The following FNDC3B variants were observed in gnomAD, a reference collection of about 807,000 sequenced individuals.
The protein encoded by FNDC3B is fibronectin type III domain-containing protein 3B.
A neutral mutation model predicts 151.5 loss-of-function variants in FNDC3B; 12 were observed. The ratio of observed to expected loss-of-function variants is 0.08; its 90% CI spans 0.05 to 0.13. The LOEUF (loss-of-function observed/expected upper bound fraction) is 0.13, where lower values mean the gene tolerates loss of function less well. Among genes scored for constraint, FNDC3B ranks in the 10% least tolerant of loss-of-function variants. The pLI, the probability that FNDC3B is intolerant of heterozygous loss-of-function variation, is 1.00. For missense variants in FNDC3B, 1,214 were observed against 1,505.3 expected (o/e 0.81, Z 3.20); for synonymous variants, 528 against 549.0 (o/e 0.96, Z 0.54).
intron 2 of FNDC3B, among the ~76,000 whole-genome samples, chr3:172,125,587 A>G (rs1191428547): frequency 6.6e-6 from 1 of 152,224 alleles, no homozygotes; most frequent in Non-Finnish European, 1.5e-5. Context: ...TTTCCATTAA[A>G]AAATTGCATC....
At chr3:172,369,441 T>G (rs540616087) in intron 23 of FNDC3B, among the ~76,000 whole-genome samples, 1 of 152,086 alleles carries the variant, frequency 6.6e-6, no homozygotes, top group African/African-American at 2.4e-5. Context: ...TTTTAATACA[T>G]TAATGTCTAA....
intron 3 of FNDC3B, among the ~76,000 whole-genome samples, chr3:172,210,403 G>A (rs1475846404): frequency 6.6e-6 from 1 of 152,000 alleles, no homozygotes; most frequent in Non-Finnish European, 1.5e-5. Context: ...AGGTTGGGGT[G>A]CAGTGGCAAA....
intron 3 of FNDC3B, among the ~76,000 whole-genome samples, chr3:172,192,763 T>C (rs982476084): frequency 6.6e-6 from 1 of 152,104 alleles, no homozygotes; most frequent in African/African-American, 2.4e-5. Flanking sequence ...CCTCATCTTA[T>C]TGAAGATTCT....
At chr3:172,062,034 G>A (rs551007591) in intron 1 of FNDC3B, among the ~76,000 whole-genome samples, 1 of 152,248 alleles carries the variant, frequency 6.6e-6, no homozygotes, top group Admixed American at 6.5e-5. Context: ...GTTACGTGAG[G>A]TAATCATGCT....
intron 6 of FNDC3B, among the ~76,000 whole-genome samples, chr3:172,284,768 C>T (rs1303842876): frequency 6.7e-6 from 1 of 149,592 alleles, no homozygotes; most frequent in Non-Finnish European, 1.5e-5. Flanking sequence ...GCACCCATCA[C>T]AAGGCACTGT....
Position 172,380,052 on chromosome 3 carries a change from G to A in FNDC3B, c.3176-914G>A, listed in dbSNP as rs1735357700. 2.0e-5 allele frequency among the ~76,000 whole-genome samples: 3 copies of A among 147,168 alleles called. No homozygotes were observed. The South Asian group carries it at 6.5e-4, about 32-fold the overall frequency. On this transcript the variant is annotated intron_variant, in intron 24 of 25. Transcript: ENST00000415807. ...TTGGAATTTTGGCCTAGTATTTCCA[G>A]CGTAGGCTCCTTTTCTTCTTCTTCT... is the stretch of plus-strand genomic sequence containing the variant.
chr3:172,129,405 A>G (rs1026681259), intron 2 of FNDC3B, among the ~76,000 whole-genome samples: 3 of 152,230 alleles, frequency 2.0e-5, no homozygotes, highest in African/African-American at 7.2e-5. Flanking sequence ...CTGGTTAATC[A>G]GCCACCCAAG....
At chr3:172,379,923 G>T (rs1735353422) in intron 24 of FNDC3B, among the ~76,000 whole-genome samples, 1 of 152,146 alleles carries the variant, frequency 6.6e-6, no homozygotes. Context: ...TCTGATGCAT[G>T]ATCAGGTAGT....
intron 3 of FNDC3B, among the ~76,000 whole-genome samples, chr3:172,141,571 C>A (rs1431571641): frequency 6.6e-6 from 1 of 152,214 alleles, no homozygotes; most frequent in South Asian, 2.1e-4. Context: ...CATAGTGGCT[C>A]ACGCCTGTAA....
At chr3:172,330,365 G>A (rs1265986089) in intron 12 of FNDC3B, 176 bp from the exon 13 acceptor site, 5 of 523,200 alleles carry the variant, frequency 9.6e-6, no homozygotes, top group Non-Finnish European at 1.4e-5. Flanking sequence ...ATGGGGTGGG[G>A]GGATGGGGAA....
intron 14 of FNDC3B, among the ~76,000 whole-genome samples, chr3:172,333,385 G>T (rs1732778458): frequency 6.6e-6 from 1 of 151,900 alleles, no homozygotes; most frequent in Admixed American, 6.5e-5. Context: ...GCAGTGGCAC[G>T]ATCTCGGCTC....
chr3:172,095,340 C>T (rs1429143492), intron 1 of FNDC3B, among the ~76,000 whole-genome samples: 1 of 152,210 alleles, frequency 6.6e-6, no homozygotes, highest in Non-Finnish European at 1.5e-5. Flanking sequence ...ACTTGGGATT[C>T]TGTGGTATAT....
chr3:172,082,221 G>A (rs553608136), intron 1 of FNDC3B, among the ~76,000 whole-genome samples: 3 of 152,168 alleles, frequency 2.0e-5, no homozygotes, highest in African/African-American at 7.2e-5. Flanking sequence ...TAATGTGGAG[G>A]TCTGACCAAT....
At chr3:172,306,043 A>T (rs994745685) in intron 9 of FNDC3B, among the ~76,000 whole-genome samples, 1 of 152,120 alleles carries the variant, frequency 6.6e-6, no homozygotes, top group African/African-American at 2.4e-5. Flanking sequence ...ATATGTATGT[A>T]TTTTTATCTT....
chr3:172,375,992 T>C (rs983186961), intron 23 of FNDC3B, among the ~76,000 whole-genome samples: 1 of 152,214 alleles, frequency 6.6e-6, no homozygotes, highest in Non-Finnish European at 1.5e-5. Context: ...ACTCCCACTT[T>C]TTTTCTAGAC....
At chr3:172,274,813 G>A (rs1174018929) in intron 6 of FNDC3B, among the ~76,000 whole-genome samples, 3 of 152,074 alleles carry the variant, frequency 2.0e-5, no homozygotes, top group African/African-American at 7.2e-5. Context: ...CATCTTCCCT[G>A]TGTGTGTCTG....
chr3:172,328,077 G>A (rs1397727698), intron 11 of FNDC3B, among the ~76,000 whole-genome samples: 5 of 152,254 alleles, frequency 3.3e-5, no homozygotes, highest in Middle Eastern at 3.4e-3. Context: ...GGCATAGGGC[G>A]GTTAGACTTT....
rs1035171738 is a variant in FNDC3B, at chr3:172,400,640, G to A, written c.*3165G>A. ...ATTATGCTATATGTAATACCTAACT[G>A]TATCTGTAGTGTATATGTAATATAT... On this transcript the variant is annotated 3_prime_UTR_variant, in exon 26 of 26. Transcript: ENST00000415807. 2.0e-5 allele frequency: 3 copies of A among 152,402 alleles called. No homozygotes were observed. Among genetic ancestry groups the A allele is most frequent in the Admixed American group, 2.0e-4 (3 of 15,250 alleles). The allele number at this position is 152,402 out of a possible 1,614,324, so 9.4% of individuals were successfully genotyped here. A position where few individuals can be genotyped will look rare whatever the true frequency, so the allele number is the denominator to read the frequency against.
Position 172,215,340 on chromosome 3 carries a change from A to G in FNDC3B, c.188-11531A>G, listed in dbSNP as rs114462439. 8.1e-3 allele frequency among the ~76,000 whole-genome samples: 1,239 copies of G among 152,356 alleles called. 17 individuals are homozygous for G. The highest frequency in any genetic ancestry group is 0.028 in the African/African-American group (1,184 of 41,586). On this transcript the variant is annotated intron_variant, in intron 3 of 25. Coordinates refer to ENST00000415807, the MANE Select transcript of FNDC3B (RefSeq NM_022763.4). ...TGGAAGTGGGGGTACATGGAGGAAG[A>G]GTAGACAAGGTTTTATTCATCTCTG... is the stretch of plus-strand genomic sequence containing the variant.
Sources: allele counts gnomAD v4.1 joint callset (sites outside exome capture counted in the v4.1 genomes callset), GRCh38; gene constraint gnomAD v4.1.1; transcripts MANE v1.5; gene names NCBI Gene and HGNC (gene_info 2026-07-23, HGNC 2026-07-21).